Variants in CTNNA3 observed in about 807,000 individuals in gnomAD.
CTNNA3 encodes the protein catenin alpha-3.
A neutral mutation model predicts 95.7 loss-of-function variants in CTNNA3; 76 were observed. The observed-to-expected ratio is 0.79, with a 90% CI of 0.66 to 0.96. The LOEUF (loss-of-function observed/expected upper bound fraction) is 0.96, where lower values mean the gene tolerates loss of function less well. Ranked by LOEUF, CTNNA3 falls within the 40% of genes least tolerant of loss-of-function variation. CTNNA3 has a pLI of 0.00. For missense variants in CTNNA3, 1,191 were observed against 1,089.8 expected (o/e 1.09, Z -1.31); for synonymous variants, 431 against 374.4 (o/e 1.15, Z -1.74).
intron 14 of CTNNA3, among the ~76,000 whole-genome samples, chr10:66,082,022 G>T (rs1452826205): frequency 6.6e-6 from 1 of 152,060 alleles, no homozygotes; most frequent in Non-Finnish European, 1.5e-5. Context: ...GGAGGCTGAG[G>T]CAGGAGAATC....
Position 67,260,051 on chromosome 10 carries a change from T to G in CTNNA3, c.580-40181A>C, listed in dbSNP as rs139452658. Among the ~76,000 whole-genome samples the G allele has an allele frequency of 2.9e-3, 436 of 152,302 alleles. 1 individual carries two copies. The highest frequency in any genetic ancestry group is 5.2e-3 in the Non-Finnish European group (353 of 68,018). ...GATGCCAGTACCCTAAAGAATAAAC[T>G]AATCAAGTAACATGTATTTGCTCAG... On this transcript the variant is annotated intron_variant, in intron 5 of 17. Coordinates refer to ENST00000433211, the MANE Select transcript of CTNNA3 (RefSeq NM_013266.4).
At chr10:66,495,714 G>C (rs373250437) in intron 11 of CTNNA3, among the ~76,000 whole-genome samples, 13 of 152,258 alleles carry the variant, frequency 8.5e-5, no homozygotes, top group African/African-American at 2.9e-4. Flanking sequence ...GGAGTGCAGT[G>C]GTGCAGTCTT....
chr10:67,549,361 G>T (rs1420088506), intron 3 of CTNNA3, among the ~76,000 whole-genome samples: 1 of 152,068 alleles, frequency 6.6e-6, no homozygotes, highest in Non-Finnish European at 1.5e-5. Context: ...TCACCATGCT[G>T]CCCCAAAACC....
At chr10:66,560,549 T>C (rs1354365470) in intron 10 of CTNNA3, among the ~76,000 whole-genome samples, 4 of 152,086 alleles carry the variant, frequency 2.6e-5, no homozygotes, top group Admixed American at 1.3e-4. Context: ...ATCATGACTT[T>C]TTTGTACTTT....
chr10:67,424,144 T>G (rs951320363), intron 5 of CTNNA3, among the ~76,000 whole-genome samples: 3 of 152,268 alleles, frequency 2.0e-5, no homozygotes, highest in Admixed American at 6.5e-5. Context: ...TCTGTAGGTG[T>G]GCGACTGATG....
chr10:67,664,637 C>T (rs925982467), intron 1 of CTNNA3, among the ~76,000 whole-genome samples: 2 of 152,070 alleles, frequency 1.3e-5, no homozygotes, highest in Admixed American at 1.3e-4. Flanking sequence ...TCTTCTTTCA[C>T]TCCACATTTA....
chr10:66,222,599 C>CGAAA (rs67153927), intron 13 of CTNNA3, among the ~76,000 whole-genome samples: 2,088 of 82,864 alleles, frequency 0.025, 56 homozygotes, highest in African/African-American at 0.076. Flanking sequence ...AAAGAAAGAA[C>CGAAA]GAAAGAAAGA....
At chr10:66,067,558 C>T (rs2080338183) in intron 15 of CTNNA3, among the ~76,000 whole-genome samples, 1 of 152,118 alleles carries the variant, frequency 6.6e-6, no homozygotes, top group Admixed American at 6.6e-5. Flanking sequence ...TGTTTTTTCA[C>T]CTATTAATCT....
At chr10:66,943,424 G>T (rs756710262) in intron 7 of CTNNA3, among the ~76,000 whole-genome samples, 12 of 151,648 alleles carry the variant, frequency 7.9e-5, no homozygotes, top group South Asian at 2.1e-4. Context: ...TCTTTTTATG[G>T]TATATCTTCA....
At chr10:65,957,868 C>G (rs528809435) in intron 17 of CTNNA3, among the ~76,000 whole-genome samples, 1 of 151,988 alleles carries the variant, frequency 6.6e-6, no homozygotes, top group African/African-American at 2.4e-5. Flanking sequence ...TGTCTTGGAA[C>G]TGTTCTTCTT....
At chr10:67,424,860 T>C (rs1325636575) in intron 5 of CTNNA3, among the ~76,000 whole-genome samples, 1 of 152,146 alleles carries the variant, frequency 6.6e-6, no homozygotes, top group Non-Finnish European at 1.5e-5. Flanking sequence ...GCTCAATCAA[T>C]GTTTGTTAAA....
At chr10:66,339,913 T>C (rs1261399394) in intron 12 of CTNNA3, among the ~76,000 whole-genome samples, 1 of 151,822 alleles carries the variant, frequency 6.6e-6, no homozygotes, top group Non-Finnish European at 1.5e-5. Flanking sequence ...ATTTGCTGGA[T>C]TTATCTTGCT....
In CTNNA3 at chr10:67,549,889, C is replaced by T. The variant is rs532811902; in HGVS notation, c.293-10220G>A. On this transcript the variant is annotated intron_variant, in intron 3 of 17. Coordinates refer to ENST00000433211, the MANE Select transcript of CTNNA3 (RefSeq NM_013266.4). ...AGAGTTAAATACTTGCAACAATGTA[C>T]GGCCCACAAAGCCTGAAATATTTAC... Among the ~76,000 whole-genome samples the T allele has an allele frequency of 1.6e-4, 24 of 152,252 alleles. No individual in the cohort carries two copies. The South Asian group carries it at 2.3e-3, about 14-fold the overall frequency.
At chr10:67,372,147 A>G (rs376399884) in intron 5 of CTNNA3, among the ~76,000 whole-genome samples, 1 of 151,800 alleles carries the variant, frequency 6.6e-6, no homozygotes, top group African/African-American at 2.4e-5. Flanking sequence ...AGATGAGTAG[A>G]TTGCAAAAAT....
chr10:66,858,276 T>C (rs755314343), intron 7 of CTNNA3, among the ~76,000 whole-genome samples: 32 of 152,148 alleles, frequency 2.1e-4, no homozygotes, highest in Middle Eastern at 3.4e-3. Context: ...TCGAATAGCT[T>C]TTTGATTTGT....
intron 7 of CTNNA3, among the ~76,000 whole-genome samples, chr10:67,168,887 C>A (rs959859292): frequency 2.6e-5 from 4 of 152,098 alleles, no homozygotes; most frequent in Admixed American, 6.5e-5. Flanking sequence ...AAACCCCATA[C>A]CCATAGTCTT....
intron 12 of CTNNA3, among the ~76,000 whole-genome samples, chr10:66,360,739 TCTTTCTTCCTTCCTTC>T (rs754827105): frequency 0.044 from 3,572 of 82,052 alleles, 706 homozygotes; most frequent in South Asian, 0.076. Context: ...TTTCTTTCTT[TCTTTCTTCCTTCCTTC>T]CTTCCTTCCT....
chr10:67,644,447 GA>G (rs1361425081), intron 2 of CTNNA3, among the ~76,000 whole-genome samples: 2 of 149,352 alleles, frequency 1.3e-5, no homozygotes, highest in African/African-American at 4.9e-5. Context: ...AACACTTTTT[GA>G]AAAACAAAAA....
intron 7 of CTNNA3, among the ~76,000 whole-genome samples, chr10:67,064,864 T>C (rs1451487499): frequency 6.6e-6 from 1 of 152,228 alleles, no homozygotes; most frequent in Non-Finnish European, 1.5e-5. Flanking sequence ...GAAATTTATA[T>C]GTAAGTATTT....
Sources: allele counts gnomAD v4.1 joint callset (sites outside exome capture counted in the v4.1 genomes callset), GRCh38; gene constraint gnomAD v4.1.1; transcripts MANE v1.5; gene names NCBI Gene and HGNC (gene_info 2026-07-23, HGNC 2026-07-21).